The following DYSF variants were observed in gnomAD, a reference collection of about 807,000 sequenced individuals.
The protein encoded by DYSF is dystrophy-associated fer-1-like 1.
In DYSF, 212 loss-of-function variants were observed where a neutral mutation model predicts 274.9. That is an observed-to-expected ratio of 0.77 (90% CI 0.69 to 0.86). DYSF has a LOEUF of 0.86. Ranked by LOEUF, DYSF falls within the 40% of genes least tolerant of loss-of-function variation. DYSF has a pLI of 0.00. For synonymous variants in DYSF, 1,091 were observed against 1,078.7 expected (o/e 1.01, Z -0.22); for missense variants, 2,666 against 2,783.2 (o/e 0.96, Z 0.95).
intron 41 of DYSF, among the ~76,000 whole-genome samples, chr2:71,636,261 T>C (rs563142862): frequency 5.5e-4 from 84 of 152,262 alleles, no homozygotes; most frequent in African/African-American, 1.6e-3. Flanking sequence ...CAAGATCCGA[T>C]GTACATGGCT....
chr2:71,653,659 G>T (rs1460468813), intron 42 of DYSF, among the ~76,000 whole-genome samples: 4 of 109,946 alleles, frequency 3.6e-5, no homozygotes, highest in Non-Finnish European at 6.9e-5. Context: ...GGGGCCTGTT[G>T]TGGGGTGGGG....
rs1219777786 is a variant in DYSF, at chr2:71,515,617, T to G, written c.760-6T>G. The G allele has an allele frequency of 6.2e-7, 1 of 1,613,818 alleles. No individual in the cohort carries two copies. Among genetic ancestry groups the G allele is most frequent in the African/African-American group, 1.3e-5 (1 of 74,908 alleles). On this transcript the variant is annotated splice_region_variant and splice_polypyrimidine_tract_variant and intron_variant, in intron 7 of 55. Transcript: ENST00000410020. Reference sequence around the variant, plus strand: ...CCTCCTGCTCTTTCCTCCTTCTGGCTTTCAGATCAGGGTCCAGGTGATCGA... The same window carrying G: ...CCTCCTGCTCTTTCCTCCTTCTGGCGTTCAGATCAGGGTCCAGGTGATCGA...
rs541266971 is a variant in DYSF at position 71,597,478 on chromosome 2, G to C, written c.3575-1086G>C. On this transcript the variant is annotated intron_variant, in intron 32 of 55. Coordinates refer to ENST00000410020, the MANE Select transcript of DYSF (RefSeq NM_001130987.2). The stretch of plus-strand genomic sequence containing the variant: ...AATGTGGTCCCAGAAGGCAGCATGA[G>C]CATCACTTTTAGGAACTTGTTAGAA... Among the ~76,000 whole-genome samples, 4 of 152,294 alleles carry C rather than the reference G, an allele frequency of 2.6e-5. No homozygotes were observed. In the South Asian group the frequency reaches 8.3e-4, roughly 32 times the overall value.
chr2:71,653,716 A>C (rs959214197), intron 42 of DYSF, among the ~76,000 whole-genome samples: 15 of 151,596 alleles, frequency 9.9e-5, no homozygotes, highest in East Asian at 3.9e-4. Context: ...TGTTAAATGA[A>C]GAGTTAATGG....
chr2:71,576,487 TG>T, intron 30 of DYSF: 1 of 151,900 alleles, frequency 6.6e-6, no homozygotes, highest in African/African-American at 2.5e-5. Context: ...TGGAGGGAGG[TG>T]GGACTGAAGG....
intron 38 of DYSF, 147 bp from the exon 39 acceptor site, chr2:71,612,494 G>T (rs933226389): frequency 6.4e-6 from 8 of 1,248,622 alleles, no homozygotes; most frequent in Non-Finnish European, 9.0e-6. Context: ...GGCTTCGCTC[G>T]ACTGCCCAGC....
intron 33 of DYSF, 124 bp downstream of exon 33, chr2:71,598,869 C>T: frequency 8.9e-7 from 1 of 1,126,236 alleles, no homozygotes; most frequent in South Asian, 1.3e-5. Context: ...GGCCCTAGAA[C>T]AATTAAAATA....
chr2:71,612,953 A>G (rs1362092009), intron 39 of DYSF, 147 bp downstream of exon 39: 1 of 1,116,368 alleles, frequency 9.0e-7, no homozygotes, highest in Non-Finnish European at 1.3e-6. Context: ...CACAGGGTGG[A>G]GACCTTCCTT....
chr2:71,660,934 T>G (rs2094868331), intron 45 of DYSF, among the ~76,000 whole-genome samples: 1 of 151,882 alleles, frequency 6.6e-6, no homozygotes, highest in Non-Finnish European at 1.5e-5. Flanking sequence ...CTGGGCAACA[T>G]AGCAAGACCC....
intron 3 of DYSF, among the ~76,000 whole-genome samples, chr2:71,499,330 G>T (rs748450128): frequency 3.3e-5 from 5 of 152,184 alleles, no homozygotes; most frequent in African/African-American, 1.2e-4. Context: ...TGTTATAGCT[G>T]TCTAGTGTTC....
At chr2:71,511,966 G>T in intron 5 of DYSF, 45 bp downstream of exon 5, 1 of 1,249,970 alleles carries the variant, frequency 8.0e-7, no homozygotes, top group Non-Finnish European at 1.1e-6. Context: ...CAAGAAGGCC[G>T]GCAGTGGCAC....
At chr2:71,631,499 G>C (rs948736041) in intron 41 of DYSF, among the ~76,000 whole-genome samples, 1 of 152,194 alleles carries the variant, frequency 6.6e-6, no homozygotes, top group Non-Finnish European at 1.5e-5. Context: ...TCTGATTAGG[G>C]AGGTTTGATG....
Position 71,511,836 on chromosome 2 carries a change from A to G in DYSF, c.375A>G (p.Thr125=). The change falls in exon 5 of 56, where the codon ACA becomes ACG. Residue 125 remains threonine, a synonymous_variant. Coordinates refer to ENST00000410020, the MANE Select transcript of DYSF (RefSeq NM_001130987.2). The part of the protein sequence containing the change: ...GASLVLQVSY[T]PLPGAVPLFP... ...CGCTGGTCCTGCAGGTGTCCTACAC[A>G]CCGCTGCCTGGAGCTGTGCCCCTGT... 1 of 1,551,586 alleles carries G rather than the reference A, an allele frequency of 6.4e-7. No homozygotes were observed. Among genetic ancestry groups the G allele is most frequent in the South Asian group, 1.2e-5 (1 of 84,060 alleles).
At chr2:71,617,959 GTT>G (rs2093945676) in intron 40 of DYSF, among the ~76,000 whole-genome samples, 1 of 136,174 alleles carries the variant, frequency 7.3e-6, no homozygotes, top group Admixed American at 7.7e-5. Flanking sequence ...TGGTGTGTGT[GTT>G]TGGTAGAGGT....
chr2:71,622,262 A>G (rs894858983), intron 41 of DYSF, among the ~76,000 whole-genome samples: 2 of 151,760 alleles, frequency 1.3e-5, no homozygotes, highest in Non-Finnish European at 2.9e-5. Context: ...ACTTTGTCGA[A>G]CTATCGCTAG....
At chr2:71,550,752 G>A (rs1460193671) in intron 17 of DYSF, among the ~76,000 whole-genome samples, 1 of 152,190 alleles carries the variant, frequency 6.6e-6, no homozygotes, top group African/African-American at 2.4e-5. Context: ...CTGCCACCTT[G>A]TAGTCTTGTG....
intron 1 of DYSF, among the ~76,000 whole-genome samples, chr2:71,475,688 G>A (rs999523662): frequency 2.0e-5 from 3 of 152,112 alleles, no homozygotes; most frequent in Non-Finnish European, 4.4e-5. Context: ...GTTCTATCTC[G>A]GTAATTTTCA....
chr2:71,523,854 C>G (rs1271683057), intron 12 of DYSF, among the ~76,000 whole-genome samples: 2 of 152,132 alleles, frequency 1.3e-5, no homozygotes, highest in Non-Finnish European at 2.9e-5. Flanking sequence ...CGCCAGTCAT[C>G]ACTTTTAAAC....
chr2:71,530,456 T>G (rs2152754542), intron 14 of DYSF, among the ~76,000 whole-genome samples: 1 of 152,280 alleles, frequency 6.6e-6, no homozygotes, highest in South Asian at 2.1e-4. Flanking sequence ...TGTTCTGAGA[T>G]GCCCTTGGCT....
Sources: gnomAD v4.1 joint callset for allele counts (sites outside exome capture counted in the v4.1 genomes callset) on GRCh38, gnomAD v4.1.1 for gene constraint, MANE v1.5 for transcripts, NCBI Gene and HGNC (gene_info 2026-07-23, HGNC 2026-07-21) for gene names.